The following RBFOX1 variants were observed in gnomAD, a reference collection of about 807,000 sequenced individuals.
RBFOX1 encodes the protein RNA binding fox-1 homolog 1.
A neutral mutation model predicts 57.7 loss-of-function variants in RBFOX1; 8 were observed. That is an observed-to-expected ratio of 0.14 (90% CI 0.08 to 0.25). RBFOX1 has a LOEUF of 0.25. RBFOX1 is among the 10% of genes least tolerant of loss of function. The pLI, the probability that RBFOX1 is intolerant of heterozygous loss-of-function variation, is 1.00. For missense variants in RBFOX1, 611 were observed against 548.5 expected (o/e 1.11, Z -1.14); for synonymous variants, 326 against 222.4 (o/e 1.47, Z -4.15).
At chr16:7,485,711 T>TC (rs2065192110) in intron 4 of RBFOX1, among the ~76,000 whole-genome samples, 1 of 152,246 alleles carries the variant, frequency 6.6e-6, no homozygotes, top group Admixed American at 6.5e-5. Flanking sequence ...CCATATATAA[T>TC]GTATATGTAT....
chr16:7,568,667 T>C (rs971384353), intron 5 of RBFOX1, among the ~76,000 whole-genome samples: 9 of 151,786 alleles, frequency 5.9e-5, no homozygotes, highest in Admixed American at 3.3e-4. Context: ...AGGTGGATCA[T>C]GAGGTCAGGA....
chr16:6,116,718 T>C (rs1440255946), intron 1 of RBFOX1, among the ~76,000 whole-genome samples: 5 of 152,204 alleles, frequency 3.3e-5, no homozygotes, highest in Non-Finnish European at 7.3e-5. Context: ...TTGGGCTTCT[T>C]GTTATTTGCA....
At chr16:7,031,233 C>G (rs1306197283) in intron 3 of RBFOX1, among the ~76,000 whole-genome samples, 3 of 152,158 alleles carry the variant, frequency 2.0e-5, no homozygotes, top group Non-Finnish European at 4.4e-5. Flanking sequence ...GGAATCCTGA[C>G]TCCTCTATTT....
rs896793208 is a variant in RBFOX1, at chr16:7,421,116, G to C, written c.28-97031G>C. ...TCTACGGTTGGCTTTTCTTGCTACA[G>C]GTTGGGCCAAGGTGGAGAAGGCACT... is the stretch of plus-strand genomic sequence containing the variant. On this transcript the variant is annotated intron_variant, in intron 4 of 15. Transcript: ENST00000550418. 5.9e-5 allele frequency among the ~76,000 whole-genome samples: 9 copies of C among 151,980 alleles called. 1 individual carries two copies. The East Asian group carries it at 1.5e-3, about 26-fold the overall frequency.
intron 3 of RBFOX1, among the ~76,000 whole-genome samples, chr16:7,026,446 C>T (rs1474372014): frequency 6.6e-6 from 1 of 152,150 alleles, no homozygotes; most frequent in African/African-American, 2.4e-5. Flanking sequence ...AATATTTAGA[C>T]TCTTTTTTTC....
intron 2 of RBFOX1, among the ~76,000 whole-genome samples, chr16:6,377,369 A>G (rs894585752): frequency 1.3e-5 from 2 of 152,112 alleles, no homozygotes; most frequent in African/African-American, 2.4e-5. Flanking sequence ...AATTACATCT[A>G]TAAAGACCCT....
At chr16:5,615,321 G>A (rs1224710360) in intron 3 of RBFOX1, among the ~76,000 whole-genome samples, 1 of 152,166 alleles carries the variant, frequency 6.6e-6, no homozygotes, top group Non-Finnish European at 1.5e-5. Flanking sequence ...AGGAGCCACT[G>A]CACCCAGCAG....
At chr16:5,351,494 G>C (rs1447679461) in intron 1 of RBFOX1, among the ~76,000 whole-genome samples, 1 of 152,186 alleles carries the variant, frequency 6.6e-6, no homozygotes, top group Non-Finnish European at 1.5e-5. Flanking sequence ...GATGCCTATT[G>C]ATGGGTCTCA....
chr16:7,337,636 T>C lies in RBFOX1; in HGVS notation c.28-180511T>C, dbSNP rs144712241. On this transcript the variant is annotated intron_variant, in intron 4 of 15. Transcript: ENST00000550418. ...CTCACAAAAGAATGGGCTTCATCTATACCATCCATGACTCACGCAGGTGAA... is the reference window on the plus strand; with the variant it reads ...CTCACAAAAGAATGGGCTTCATCTACACCATCCATGACTCACGCAGGTGAA... Among the ~76,000 whole-genome samples, 62 of 152,282 alleles carry C rather than the reference T, an allele frequency of 4.1e-4. No homozygotes were observed. In the East Asian group the frequency reaches 5.2e-3, roughly 13 times the overall value.
chr16:5,824,985 C>T (rs1364962760), intron 3 of RBFOX1, among the ~76,000 whole-genome samples: 1 of 152,186 alleles, frequency 6.6e-6, no homozygotes, highest in African/African-American at 2.4e-5. Flanking sequence ...CTTACTCCAT[C>T]AGAAAATTAA....
chr16:6,928,262 A>G (rs1597464414), intron 3 of RBFOX1, among the ~76,000 whole-genome samples: 1 of 152,228 alleles, frequency 6.6e-6, no homozygotes, highest in Non-Finnish European at 1.5e-5. Context: ...CTGGGCATCC[A>G]GATTTTTAAA....
intron 2 of RBFOX1, among the ~76,000 whole-genome samples, chr16:6,562,866 TTCTTTCTTTCTTTC>T (rs1258838454): frequency 0.016 from 1,027 of 64,424 alleles, 58 homozygotes; most frequent in African/African-American, 0.072. Flanking sequence ...CTTTCTTTCT[TTCTTTCTTTCTTTC>T]TTTTTTTTTT....
At chr16:7,462,691 G>A (rs189023025) in intron 4 of RBFOX1, among the ~76,000 whole-genome samples, 14 of 152,274 alleles carry the variant, frequency 9.2e-5, no homozygotes, top group Admixed American at 9.2e-4. Context: ...GCTTTGCCTG[G>A]TTCAGTCCCT....
chr16:6,236,978 C>T (rs988566037), intron 1 of RBFOX1, among the ~76,000 whole-genome samples: 1 of 152,130 alleles, frequency 6.6e-6, no homozygotes, highest in African/African-American at 2.4e-5. Flanking sequence ...TCACAATATT[C>T]TATTTCATCT....
At chr16:7,309,682 G>T (rs560934019) in intron 4 of RBFOX1, among the ~76,000 whole-genome samples, 15 of 152,300 alleles carry the variant, frequency 9.8e-5, no homozygotes, top group Admixed American at 9.8e-4. Context: ...GAAACATAAT[G>T]CTTGTTTATT....
intron 4 of RBFOX1, among the ~76,000 whole-genome samples, chr16:7,222,578 CTGT>C (rs1232964618): frequency 6.6e-6 from 1 of 152,192 alleles, no homozygotes; most frequent in African/African-American, 2.4e-5. Context: ...TGGGCACTGG[CTGT>C]TGTTCCTGCC....
At chr16:7,140,526 T>G (rs938048520) in intron 4 of RBFOX1, among the ~76,000 whole-genome samples, 12 of 152,124 alleles carry the variant, frequency 7.9e-5, no homozygotes, top group Non-Finnish European at 1.6e-4. Flanking sequence ...ATGAGTTTAA[T>G]AAATACATCT....
At chr16:6,201,477 T>C (rs2097214774) in intron 1 of RBFOX1, among the ~76,000 whole-genome samples, 1 of 152,128 alleles carries the variant, frequency 6.6e-6, no homozygotes, top group Non-Finnish European at 1.5e-5. Context: ...TTATTGGACT[T>C]ACAGAGATAG....
At chr16:7,541,149 A>G (rs1451018865) in intron 5 of RBFOX1, among the ~76,000 whole-genome samples, 1 of 152,214 alleles carries the variant, frequency 6.6e-6, no homozygotes, top group Non-Finnish European at 1.5e-5. Flanking sequence ...TTGAGCAGCA[A>G]GATAATTCAC....
Sources: gnomAD v4.1 joint callset for allele counts (sites outside exome capture counted in the v4.1 genomes callset) on GRCh38, gnomAD v4.1.1 for gene constraint, MANE v1.5 for transcripts, NCBI Gene and HGNC (gene_info 2026-07-23, HGNC 2026-07-21) for gene names.